The following NRG3 variants were observed in gnomAD, a reference collection of about 807,000 sequenced individuals.
The protein encoded by NRG3 is neuregulin 3.
In NRG3, 31 loss-of-function variants were observed where a neutral mutation model predicts 66.9. That is an observed-to-expected ratio of 0.46 (90% CI 0.35 to 0.63). The LOEUF (loss-of-function observed/expected upper bound fraction) is 0.63, where lower values mean the gene tolerates loss of function less well. Among genes scored for constraint, NRG3 ranks in the 20% least tolerant of loss-of-function variants. The probability of loss-of-function intolerance (pLI) is 0.00; values close to 1 mark genes in which losing one functional copy is unlikely to be tolerated. For missense variants in NRG3, 910 were observed against 878.9 expected, an observed-to-expected ratio of 1.04 and a Z score of -0.45; for synonymous variants, 393 against 359.4, an observed-to-expected ratio of 1.09 and a Z score of -1.06.
chr10:82,466,928 A>G lies in NRG3; in HGVS notation c.953+108060A>G, dbSNP rs553585678. Among the ~76,000 whole-genome samples the G allele has an allele frequency of 1.9e-4, 29 of 151,828 alleles. 1 individual carries two copies. In the South Asian group the frequency reaches 5.6e-3, roughly 29 times the overall value. The stretch of plus-strand genomic sequence containing the variant: ...GTACCCTGACCAAAAAAAAAAAAAA[A>G]CAAAACATATTGGCCATACATTTTT... On this transcript the variant is annotated intron_variant, in intron 2 of 8. Transcript: ENST00000372141.
chr10:82,364,569 T>G (rs11193960), intron 2 of NRG3, among the ~76,000 whole-genome samples: 50,951 of 152,012 alleles, frequency 0.34, 11,048 homozygotes, highest in African/African-American at 0.6. Context: ...AGGTAGCCAC[T>G]GTAATTGAAA....
At chr10:81,928,538 A>G (rs1005389786) in intron 1 of NRG3, among the ~76,000 whole-genome samples, 13 of 152,234 alleles carry the variant, frequency 8.5e-5, no homozygotes, top group African/African-American at 3.1e-4. Flanking sequence ...ATAAAAGCTC[A>G]TGGCTTATCA....
chr10:82,176,026 G>A (rs2073007967), intron 1 of NRG3, among the ~76,000 whole-genome samples: 1 of 152,120 alleles, frequency 6.6e-6, no homozygotes, highest in Admixed American at 6.6e-5. Context: ...CAGCAGAATT[G>A]AAAACGTGTT....
At chr10:82,549,697 G>A (rs886722680) in intron 2 of NRG3, among the ~76,000 whole-genome samples, 8 of 152,118 alleles carry the variant, frequency 5.3e-5, no homozygotes, top group Middle Eastern at 3.2e-3. Flanking sequence ...TGCAGGGCCC[G>A]GAGGGGATTC....
chr10:82,248,870 A>G (rs568728064), intron 1 of NRG3, among the ~76,000 whole-genome samples: 4 of 152,284 alleles, frequency 2.6e-5, no homozygotes, highest in African/African-American at 4.8e-5. Context: ...CAGGCCCTCA[A>G]TAGTCCTGGT....
In NRG3 at chr10:82,367,896, G is replaced by A. The variant is rs1010875235; in HGVS notation, c.953+9028G>A. ...TGTAATCTCAGCTACTTGGGAAGCTGAGGCACAAGAGTCACTTGAACCTAG... is the reference window on the plus strand; with the variant it reads ...TGTAATCTCAGCTACTTGGGAAGCTAAGGCACAAGAGTCACTTGAACCTAG... On this transcript the variant is annotated intron_variant, in intron 2 of 8. Coordinates refer to ENST00000372141, the MANE Select transcript of NRG3 (RefSeq NM_001010848.4). 3.9e-5 allele frequency among the ~76,000 whole-genome samples: 6 copies of A among 152,232 alleles called. No individual in the cohort carries two copies. In the East Asian group the frequency reaches 5.8e-4, roughly 15 times the overall value.
In NRG3 at chr10:82,020,416, A is replaced by C. The variant is rs1394713116; in HGVS notation, c.823+144253A>C. On this transcript the variant is annotated intron_variant, in intron 1 of 8. Coordinates refer to ENST00000372141, the MANE Select transcript of NRG3 (RefSeq NM_001010848.4). ...AGGAACTGTCCTAGGTTCCGGAAAC[A>C]CCTCACTCTCACAGAGGATACATTC... Among the ~76,000 whole-genome samples the C allele has an allele frequency of 2.0e-5, 3 of 152,084 alleles. 1 individual carries two copies. Among genetic ancestry groups the C allele is most frequent in the Non-Finnish European group, 2.9e-5 (2 of 68,002 alleles).
chr10:82,157,241 A>G (rs1290551532), intron 1 of NRG3, among the ~76,000 whole-genome samples: 1 of 151,824 alleles, frequency 6.6e-6, no homozygotes, highest in Non-Finnish European at 1.5e-5. Context: ...ATGTAACTCA[A>G]CAGTGAGCTG....
chr10:82,237,491 C>G (rs777975720), intron 1 of NRG3, among the ~76,000 whole-genome samples: 31 of 152,154 alleles, frequency 2.0e-4, no homozygotes, highest in Non-Finnish European at 2.8e-4. Context: ...ATTCCTATTA[C>G]TTTGTGTACT....
At position 82,616,526 on chromosome 10, in the gene NRG3, C is replaced by A. The variant is rs371005265; in HGVS notation, c.954-122051C>A. 2.4e-3 allele frequency among the ~76,000 whole-genome samples: 368 copies of A among 152,328 alleles called. 1 individual carries two copies. Among genetic ancestry groups the A allele is most frequent in the African/African-American group, 8.6e-3 (357 of 41,584 alleles). Reference sequence around the variant, plus strand: ...AAACTTTATTTGAAATCTGATCTCACACTGAATATTCTTATTCTTATCTCA... The same window carrying A: ...AAACTTTATTTGAAATCTGATCTCAAACTGAATATTCTTATTCTTATCTCA... On this transcript the variant is annotated intron_variant, in intron 2 of 8. Coordinates refer to ENST00000372141, the MANE Select transcript of NRG3 (RefSeq NM_001010848.4).
chr10:82,919,144 C>T (rs1456626642), intron 4 of NRG3, among the ~76,000 whole-genome samples: 2 of 151,404 alleles, frequency 1.3e-5, no homozygotes, highest in Non-Finnish European at 2.9e-5. Context: ...AAAAAGTCAT[C>T]TCCATTTTCT....
At chr10:82,470,140 C>T (rs925539248) in intron 2 of NRG3, among the ~76,000 whole-genome samples, 5 of 152,190 alleles carry the variant, frequency 3.3e-5, no homozygotes, top group African/African-American at 1.2e-4. Flanking sequence ...CATGTCAAGG[C>T]ACACTGTAAA....
At position 82,928,472 on chromosome 10, in the gene NRG3, G is replaced by A. The variant is rs192736555; in HGVS notation, c.1055-22997G>A. On this transcript the variant is annotated intron_variant, in intron 4 of 8. Transcript: ENST00000372141. Reference sequence around the variant, plus strand: ...TCTTCTAGGGTTTTTATAGTTTTAGGTCTTAAGTTTAAGTCTTTAATCCAT... The same window carrying A: ...TCTTCTAGGGTTTTTATAGTTTTAGATCTTAAGTTTAAGTCTTTAATCCAT... 4.5e-3 allele frequency among the ~76,000 whole-genome samples: 688 copies of A among 152,148 alleles called. 4 individuals carry two copies. The highest frequency in any genetic ancestry group is 7.5e-3 in the Non-Finnish European group (507 of 67,992).
At chr10:82,210,174 C>T (rs937539343) in intron 1 of NRG3, among the ~76,000 whole-genome samples, 10 of 152,178 alleles carry the variant, frequency 6.6e-5, no homozygotes, top group African/African-American at 2.2e-4. Context: ...ATTAAAATTG[C>T]CAAGTATAAA....
intron 1 of NRG3, among the ~76,000 whole-genome samples, chr10:81,898,699 GTTTTT>G (rs574810616): frequency 6.9e-6 from 1 of 144,602 alleles, no homozygotes; most frequent in Admixed American, 6.9e-5. Flanking sequence ...TGTTTGAAGA[GTTTTT>G]TTTTTTTTGT....
At chr10:81,894,818 T>C (rs754312585) in intron 1 of NRG3, among the ~76,000 whole-genome samples, 3 of 152,144 alleles carry the variant, frequency 2.0e-5, no homozygotes, top group Admixed American at 6.5e-5. Context: ...GTGTGGCCTA[T>C]GCTGCTCTGC....
intron 1 of NRG3, among the ~76,000 whole-genome samples, chr10:82,214,639 A>C (rs1764078): frequency 6.6e-6 from 1 of 151,544 alleles, no homozygotes; most frequent in Non-Finnish European, 1.5e-5. Flanking sequence ...ATTAAAAAAA[A>C]TTTTTTTTGC....
At chr10:82,173,768 C>A (rs17099549) in intron 1 of NRG3, among the ~76,000 whole-genome samples, 2,697 of 151,994 alleles carry the variant, frequency 0.018, 96 homozygotes, top group East Asian at 0.13. Flanking sequence ...CTTACGTACA[C>A]ATAACTAAAA....
intron 2 of NRG3, among the ~76,000 whole-genome samples, chr10:82,539,424 T>A (rs2043375699): frequency 1.3e-5 from 2 of 152,228 alleles, no homozygotes; most frequent in African/African-American, 4.8e-5. Context: ...CATTTATTTG[T>A]ATTTTATGTA....
Sources: allele counts gnomAD v4.1 joint callset (sites outside exome capture counted in the v4.1 genomes callset), GRCh38; gene constraint gnomAD v4.1.1; transcripts MANE v1.5; gene names NCBI Gene and HGNC (gene_info 2026-07-23, HGNC 2026-07-21).